Variants in KYNU observed in about 807,000 individuals in gnomAD.
The protein encoded by KYNU is kynureninase.
A neutral mutation model predicts 59.2 loss-of-function variants in KYNU; 54 were observed. That is an observed-to-expected ratio of 0.91 (90% CI 0.73 to 1.14). The LOEUF is 1.14. Among genes scored for constraint, KYNU ranks in the 50% most tolerant of loss-of-function variants. KYNU has a pLI of 0.00. For missense variants in KYNU, 567 were observed against 554.4 expected (o/e 1.02, Z -0.23); for synonymous variants, 177 against 192.0 (o/e 0.92, Z 0.65).
At chr2:142,947,379 A>T (rs1309230571) in intron 4 of KYNU, 3 of 727,042 alleles carry the variant, frequency 4.1e-6, no homozygotes, top group Middle Eastern at 4.0e-4. Context: ...GTGTCTTTTT[A>T]AAAAATAGTT....
chr2:142,938,202 T>C (rs1462711517), intron 4 of KYNU, among the ~76,000 whole-genome samples: 1 of 152,260 alleles, frequency 6.6e-6, no homozygotes, highest in Non-Finnish European at 1.5e-5. Flanking sequence ...CTTTTTGGTT[T>C]GGTCTGGTCT....
At chr2:142,934,458 G>C (rs1020088559) in intron 4 of KYNU, among the ~76,000 whole-genome samples, 1 of 152,104 alleles carries the variant, frequency 6.6e-6, no homozygotes, top group African/African-American at 2.4e-5. Context: ...GTGGAGCTTT[G>C]AAAGGAGTGG....
chr2:143,025,922 A>T (rs1001519691), intron 10 of KYNU, among the ~76,000 whole-genome samples: 2 of 152,222 alleles, frequency 1.3e-5, no homozygotes, highest in Non-Finnish European at 2.9e-5. Flanking sequence ...TAAAAAATTA[A>T]TCATTTGCAT....
intron 2 of KYNU, among the ~76,000 whole-genome samples, chr2:142,889,417 G>T (rs140694749): frequency 6.6e-6 from 1 of 152,036 alleles, no homozygotes; most frequent in Admixed American, 6.6e-5. Flanking sequence ...AAGTCTATCC[G>T]GGAGAAGGGA....
intron 2 of KYNU, among the ~76,000 whole-genome samples, chr2:142,895,435 T>A (rs1288951970): frequency 6.6e-6 from 1 of 152,214 alleles, no homozygotes; most frequent in Non-Finnish European, 1.5e-5. Context: ...GCCTTTGAGA[T>A]TAAGCAAAGT....
rs1486319253 is a variant in KYNU at position 143,042,808 on chromosome 2, A to G, written c.*636A>G. 6.6e-6 allele frequency: 1 copy of G among 151,610 alleles called. No individual in the cohort carries two copies. Among genetic ancestry groups the G allele is most frequent in the Non-Finnish European group, 1.5e-5 (1 of 67,866 alleles). 9.4% of individuals were successfully genotyped at this position (151,610 alleles called of 1,614,324 possible). On this transcript the variant is annotated 3_prime_UTR_variant, in exon 14 of 14. Coordinates refer to ENST00000264170, the MANE Select transcript of KYNU (RefSeq NM_003937.3). ...CTAAGATATTTTATCATATTTTAAC[A>G]TCTTTGAAAGAGGACCCATCTTTCA...
chr2:142,951,040 C>G (rs767618429), intron 4 of KYNU, among the ~76,000 whole-genome samples: 1 of 152,166 alleles, frequency 6.6e-6, no homozygotes, highest in Non-Finnish European at 1.5e-5. Flanking sequence ...ATTAAGTTCT[C>G]TGTCTTATAT....
At chr2:142,989,306 T>C (rs538856956) in intron 10 of KYNU, 1 of 883,968 alleles carries the variant, frequency 1.1e-6, no homozygotes, top group East Asian at 9.3e-5. Context: ...CTATGTTTAA[T>C]AAGCCTTCTG....
At chr2:142,960,890 T>TCAAA in intron 8 of KYNU, 120 bp downstream of exon 8, 10 of 931,358 alleles carry the variant, frequency 1.1e-5, no homozygotes, top group Non-Finnish European at 1.5e-5. Flanking sequence ...TTTCAAAAGT[T>TCAAA]AAAAAAAAAA....
At chr2:142,947,047 C>G in intron 4 of KYNU, 1 of 1,547,744 alleles carries the variant, frequency 6.5e-7, no homozygotes, top group East Asian at 2.4e-5. Flanking sequence ...CTCACCTCAC[C>G]CTTCCCCAAG....
In KYNU at chr2:142,985,981, GC is replaced by G; in HGVS notation, c.864del (p.Phe289SerfsTer14). ...TGCAGGAGCAGGAGGAATTGCTGGT[GC>G]CTTCATTCATGAAAAGCATGCCCAT... ...LNAGAGGIAGAFIHEKHAHTI... is the reference protein window; with the variant it reads ...LNAGAGGIAGXFIHEKHAHTI... On this transcript the variant is annotated frameshift_variant, in exon 10 of 14. Transcript: ENST00000264170. LOFTEE classifies it high-confidence loss of function. 2 of 1,610,686 alleles carry G rather than the reference GC, an allele frequency of 1.2e-6. No homozygotes were observed. The highest frequency in any genetic ancestry group is 1.7e-6 in the Non-Finnish European group (2 of 1,177,692).
At chr2:142,888,732 CA>C (rs1681600219) in intron 2 of KYNU, among the ~76,000 whole-genome samples, 2 of 151,630 alleles carry the variant, frequency 1.3e-5, no homozygotes, top group Non-Finnish European at 2.9e-5. Flanking sequence ...ATTCTCACGC[CA>C]GTTGCATCTT....
At position 142,887,095 on chromosome 2, in the gene KYNU, G is replaced by A. The variant is rs564022098; in HGVS notation, c.169+1559G>A. Among the ~76,000 whole-genome samples, 6 of 152,078 alleles carry A rather than the reference G, an allele frequency of 3.9e-5. No individual in the cohort carries two copies. The East Asian group carries it at 5.8e-4, about 15-fold the overall frequency. On this transcript the variant is annotated intron_variant, in intron 2 of 13. Coordinates refer to ENST00000264170, the MANE Select transcript of KYNU (RefSeq NM_003937.3). Reference sequence around the variant, plus strand: ...TGAGGCAGGAGAATGGCTTGAACCCGGGAGGCAGAGCTTGCAGAGAGCGGA... The same window carrying A: ...TGAGGCAGGAGAATGGCTTGAACCCAGGAGGCAGAGCTTGCAGAGAGCGGA...
intron 12 of KYNU, among the ~76,000 whole-genome samples, chr2:143,033,934 A>G (rs1686825696): frequency 6.6e-6 from 1 of 152,142 alleles, no homozygotes. Flanking sequence ...CATTATGTCC[A>G]TTTATAGTCT....
chr2:142,886,692 G>A (rs1681525408), intron 2 of KYNU, among the ~76,000 whole-genome samples: 1 of 152,176 alleles, frequency 6.6e-6, no homozygotes, highest in Non-Finnish European at 1.5e-5. Flanking sequence ...ATAAAATTTA[G>A]GAAAGGAATT....
chr2:142,920,233 A>G (rs939779583), intron 3 of KYNU, among the ~76,000 whole-genome samples: 1 of 152,234 alleles, frequency 6.6e-6, no homozygotes, highest in African/African-American at 2.4e-5. Context: ...CTTTATCTGC[A>G]TAACTTTTAT....
chr2:142,931,406 A>G (rs1440616641), intron 4 of KYNU, among the ~76,000 whole-genome samples: 1 of 152,176 alleles, frequency 6.6e-6, no homozygotes, highest in Non-Finnish European at 1.5e-5. Context: ...TTGTAGTAGG[A>G]GCATCATCTG....
rs1687323643 is a variant in KYNU, at chr2:143,054,700, A to G, written c.*12528A>G. 1 of 152,228 alleles carries G rather than the reference A, an allele frequency of 6.6e-6. No individual in the cohort carries two copies. Among genetic ancestry groups the G allele is most frequent in the South Asian group, 2.1e-4 (1 of 4,832 alleles). 9.4% of individuals were successfully genotyped at this position (152,228 alleles called of 1,614,324 possible). A position where few individuals can be genotyped will look rare whatever the true frequency, so the allele number is the denominator to read the frequency against. ...CCAGTTTATAAAAAGTATGAAGAAT[A>G]GAGGGGCAATTAAATGATACCATAA... On this transcript the variant is annotated 3_prime_UTR_variant, in exon 14 of 14. Coordinates refer to ENST00000264170, the MANE Select transcript of KYNU (RefSeq NM_003937.3).
intron 2 of KYNU, among the ~76,000 whole-genome samples, chr2:142,914,881 C>T (rs561183801): frequency 6.6e-6 from 1 of 152,254 alleles, no homozygotes; most frequent in Admixed American, 6.5e-5. Flanking sequence ...GGGAAATCAC[C>T]ATGTTTGGTG....
Sources: gnomAD v4.1 joint callset for allele counts (sites outside exome capture counted in the v4.1 genomes callset) on GRCh38, gnomAD v4.1.1 for gene constraint, MANE v1.5 for transcripts, NCBI Gene and HGNC (gene_info 2026-07-23, HGNC 2026-07-21) for gene names.